The following HOOK1 variants were observed in gnomAD, a reference collection of about 807,000 sequenced individuals.
The protein encoded by HOOK1 is protein Hook homolog 1.
HOOK1 carries 60 observed loss-of-function variants against 112.8 expected under a neutral mutation model. The observed-to-expected ratio is 0.53, with a 90% CI of 0.43 to 0.66. The LOEUF (loss-of-function observed/expected upper bound fraction) is 0.66. HOOK1 is among the 30% of genes least tolerant of loss of function. The probability of loss-of-function intolerance (pLI) is 0.00; values close to 1 mark genes in which losing one functional copy is unlikely to be tolerated. For missense variants in HOOK1, 770 were observed against 856.0 expected, an observed-to-expected ratio of 0.90 and a Z score of 1.25; for synonymous variants, 294 against 283.8, an observed-to-expected ratio of 1.04 and a Z score of -0.36.
At chr1:59,854,021 TATATATATATATATATA>T (rs1329430826) in intron 12 of HOOK1, among the ~76,000 whole-genome samples, 2 of 25,554 alleles carry the variant, frequency 7.8e-5, no homozygotes, top group African/African-American at 3.2e-4. Flanking sequence ...TATATATATA[TATATATATATATATATA>T]TTTTTTTTTT....
intron 2 of HOOK1, among the ~76,000 whole-genome samples, chr1:59,827,572 G>A (rs905214966): frequency 3.3e-5 from 5 of 152,088 alleles, no homozygotes; most frequent in African/African-American, 7.2e-5. Flanking sequence ...AAATTGTTTC[G>A]GTAATTGCAG....
At chr1:59,847,017 T>A in intron 9 of HOOK1, 28 bp from the exon 10 acceptor site, 1 of 1,553,680 alleles carries the variant, frequency 6.4e-7, no homozygotes, top group Non-Finnish European at 8.7e-7. Flanking sequence ...ATGGAAGTTA[T>A]AAATACTTAC....
intron 2 of HOOK1, among the ~76,000 whole-genome samples, chr1:59,825,306 AG>A (rs2102009734): frequency 6.6e-6 from 1 of 152,358 alleles, no homozygotes; most frequent in East Asian, 1.9e-4. Flanking sequence ...TTCAAAAGAA[AG>A]GCTTAGCTTC....
chr1:59,873,831 C>T lies in HOOK1; in HGVS notation c.*866C>T, dbSNP rs540807942. On this transcript the variant is annotated 3_prime_UTR_variant, in exon 22 of 22. Coordinates refer to ENST00000371208, the MANE Select transcript of HOOK1 (RefSeq NM_015888.6). ...GAAGATTTCAGTTATTGCTTTTAAG[C>T]ATAAAGTTGTATTTAGCTTCTGCTG... The T allele has an allele frequency of 4.9e-5, 7 of 142,276 alleles. No individual in the cohort carries two copies. The highest frequency in any genetic ancestry group is 1.8e-4 in the African/African-American group (7 of 38,514). The allele number at this position is 142,276 out of a possible 1,614,324, so 8.8% of individuals were successfully genotyped here. A position where few individuals can be genotyped will look rare whatever the true frequency, so the allele number is the denominator to read the frequency against.
rs1491568693 is a variant in HOOK1 at position 59,873,725 on chromosome 1, C to CCATA, written c.*760_*761insCATA. On this transcript the variant is annotated 3_prime_UTR_variant, in exon 22 of 22. Coordinates refer to ENST00000371208, the MANE Select transcript of HOOK1 (RefSeq NM_015888.6). Reference sequence around the variant, plus strand: ...AGGTGACTTTCTGATGGAAAGCAAGCTATATATATATATATATATATATAT... The same window carrying CCATA: ...AGGTGACTTTCTGATGGAAAGCAAGCCATATATATATATATATATATATATATAT... 16 of 56,224 alleles carry CCATA rather than the reference C, an allele frequency of 2.8e-4. No homozygotes were observed. Among genetic ancestry groups the CCATA allele is most frequent in the African/African-American group, 1.0e-3 (15 of 14,822 alleles). 3.5% of individuals were successfully genotyped at this position (56,224 alleles called of 1,614,324 possible).
At position 59,875,136 on chromosome 1, in the gene HOOK1, G is replaced by A. The variant is rs1644113442; in HGVS notation, c.*2171G>A. ...CCCTTTGGTGTTTCTACTTGCTTAT[G>A]ATTGAGATTTTACAAGCCCTTCAAA... is the stretch of plus-strand genomic sequence containing the variant. On this transcript the variant is annotated 3_prime_UTR_variant, in exon 22 of 22. Transcript: ENST00000371208. 2 of 152,506 alleles carry A rather than the reference G, an allele frequency of 1.3e-5. No individual in the cohort carries two copies. Among genetic ancestry groups the A allele is most frequent in the Non-Finnish European group, 2.9e-5 (2 of 67,968 alleles). 9.4% of individuals were successfully genotyped at this position (152,506 alleles called of 1,614,324 possible).
In HOOK1 at chr1:59,828,826, G is replaced by A. The variant is rs1432894976; in HGVS notation, c.196G>A (p.Asp66Asn). Residue 66 changes from aspartate to asparagine, a missense_variant, in exon 3 of 22, where the codon GAT becomes AAT. Coordinates refer to ENST00000371208, the MANE Select transcript of HOOK1 (RefSeq NM_015888.6). ...ATCTTGGTTAAGCCGAATTAAAGAG[G>A]ATGTTGGGGACAACTGGAGAATAAA... is the stretch of plus-strand genomic sequence containing the variant. ...NESWLSRIKE[D>N]VGDNWRIKAS... 1 of 1,613,306 alleles carries A rather than the reference G, an allele frequency of 6.2e-7. No individual in the cohort carries two copies. The highest frequency in any genetic ancestry group is 1.7e-5 in the Admixed American group (1 of 59,952).
chr1:59,828,822 A>C lies in HOOK1; in HGVS notation c.192A>C (p.Lys64Asn). The change falls in exon 3 of 22, where the codon AAA becomes AAC. Residue 64 changes from lysine (K) to asparagine (N), a missense_variant. Around this residue, in one of 3 missense-constraint regions of HOOK1, gnomAD observed 655 missense variants for 725.9 expected, o/e 0.90. Transcript: ENST00000371208. The part of the protein sequence containing the change: ...WFNESWLSRI[K>N]EDVGDNWRIK... The stretch of plus-strand genomic sequence containing the variant: ...ACGAATCTTGGTTAAGCCGAATTAA[A>C]GAGGATGTTGGGGACAACTGGAGAA... 2 of 1,613,430 alleles carry C rather than the reference A, an allele frequency of 1.2e-6. No individual in the cohort carries two copies. Among genetic ancestry groups the C allele is most frequent in the Non-Finnish European group, 1.7e-6 (2 of 1,179,600 alleles).
Position 59,833,557 on chromosome 1 carries a change from T to C in HOOK1, c.406+20T>C. ...AGCAAGGTAAGTGAATTTCAATCAT[T>C]TGAGGATTTCTACTTTCTAGAAACT... is the stretch of plus-strand genomic sequence containing the variant. On this transcript the variant is annotated intron_variant, in intron 5 of 21. Coordinates refer to ENST00000371208, the MANE Select transcript of HOOK1 (RefSeq NM_015888.6). The C allele has an allele frequency of 6.6e-7, 1 of 1,514,856 alleles. No individual in the cohort carries two copies. The highest frequency in any genetic ancestry group is 1.4e-5 in the African/African-American group (1 of 72,702). The allele number at this position is 1,514,856 out of a possible 1,614,324, so 93.8% of individuals were successfully genotyped here.
intron 12 of HOOK1, among the ~76,000 whole-genome samples, chr1:59,853,236 C>T (rs1310479548): frequency 6.6e-6 from 1 of 151,974 alleles, no homozygotes; most frequent in African/African-American, 2.4e-5. Flanking sequence ...GTTGTTATAT[C>T]ATCTCTTTTT....
intron 12 of HOOK1, among the ~76,000 whole-genome samples, chr1:59,856,113 CTTT>C (rs759844337): frequency 1.8e-5 from 2 of 114,014 alleles, no homozygotes; most frequent in Admixed American, 9.1e-5. Context: ...TTTTGCTTTG[CTTT>C]TTTTTTTTTT....
chr1:59,872,996 A>G lies in HOOK1; in HGVS notation c.*31A>G, dbSNP rs994196845. 4 of 1,421,278 alleles carry G rather than the reference A, an allele frequency of 2.8e-6. No homozygotes were observed. Among genetic ancestry groups the G allele is most frequent in the Non-Finnish European group, 3.7e-6 (4 of 1,071,004 alleles). The allele number at this position is 1,421,278 out of a possible 1,614,324, so 88.0% of individuals were successfully genotyped here. The stretch of plus-strand genomic sequence containing the variant: ...AAAAAAAACAAAACAAAACAAAAAA[A>G]CCACATAAAATAGAAGTGTCCTTAA... On this transcript the variant is annotated 3_prime_UTR_variant, in exon 22 of 22. Transcript: ENST00000371208.
chr1:59,859,131 AT>A, intron 14 of HOOK1, 86 bp downstream of exon 14: 1 of 463,592 alleles, frequency 2.2e-6, no homozygotes, highest in Non-Finnish European at 3.5e-6. Flanking sequence ...TTAAAAACTT[AT>A]TTTATGACTC....
chr1:59,844,201 T>G (rs1260479686), intron 9 of HOOK1, among the ~76,000 whole-genome samples: 1 of 152,002 alleles, frequency 6.6e-6, no homozygotes, highest in Non-Finnish European at 1.5e-5. Flanking sequence ...TTACTCAGAT[T>G]CAACAATTAT....
intron 9 of HOOK1, among the ~76,000 whole-genome samples, chr1:59,844,951 CAA>C: frequency 6.6e-6 from 1 of 151,994 alleles, no homozygotes; most frequent in Middle Eastern, 3.4e-3. Context: ...TTATATCTTG[CAA>C]AGTTTCTAAA....
At chr1:59,862,241 A>C (rs2098414023) in intron 15 of HOOK1, among the ~76,000 whole-genome samples, 1 of 152,214 alleles carries the variant, frequency 6.6e-6, no homozygotes, top group East Asian at 1.9e-4. Context: ...GGGAGATACT[A>C]ACTCTTGCTA....
chr1:59,822,756 C>T (rs2098386551), intron 2 of HOOK1, among the ~76,000 whole-genome samples: 1 of 152,186 alleles, frequency 6.6e-6, no homozygotes, highest in Admixed American at 6.5e-5. Context: ...TTGTCACCAT[C>T]ATCTTGTAAA....
intron 11 of HOOK1, 89 bp downstream of exon 11, chr1:59,848,605 G>T: frequency 1.2e-6 from 1 of 849,980 alleles, no homozygotes; most frequent in South Asian, 1.7e-5. Context: ...TAAAGAAATT[G>T]AGAAGCGTTG....
intron 12 of HOOK1, among the ~76,000 whole-genome samples, chr1:59,853,120 T>C (rs926605963): frequency 9.9e-5 from 15 of 152,152 alleles, no homozygotes; most frequent in Admixed American, 6.6e-4. Context: ...AAGTATTCTA[T>C]ATATGTCAGT....
Sources: gnomAD v4.1 joint callset for allele counts (sites outside exome capture counted in the v4.1 genomes callset) on GRCh38, gnomAD v4.1.1 for gene constraint, gnomAD v4.1.1 regional missense constraint, MANE v1.5 for transcripts, NCBI Gene and HGNC (gene_info 2026-07-23, HGNC 2026-07-21) for gene names.